The following SP140 variants were observed in gnomAD, a reference collection of about 807,000 sequenced individuals.
SP140 encodes nuclear body protein SP140.
In SP140, 81 loss-of-function variants were observed where a neutral mutation model predicts 125.0. That is an observed-to-expected ratio of 0.65 (90% CI 0.54 to 0.78). SP140 has a LOEUF of 0.78. Ranked by LOEUF, SP140 falls within the 30% of genes least tolerant of loss-of-function variation. The pLI is 0.00. For missense variants in SP140, 858 were observed against 1,037.0 expected (o/e 0.83, Z 2.37); for synonymous variants, 312 against 354.0 (o/e 0.88, Z 1.33).
intron 16 of SP140, among the ~76,000 whole-genome samples, chr2:230,284,906 A>T (rs1463233018): frequency 2.0e-5 from 3 of 152,204 alleles, no homozygotes; most frequent in African/African-American, 7.2e-5. Context: ...ATTCATAAAA[A>T]TATATGCAGT....
chr2:230,255,191 A>AG (rs2050968005), intron 11 of SP140, among the ~76,000 whole-genome samples: 1 of 152,112 alleles, frequency 6.6e-6, no homozygotes, highest in South Asian at 2.1e-4. Context: ...TAATGTGGAA[A>AG]GGGGGAGGGG....
upstream of SP140, chr2:230,225,675 G>C: frequency 4.4e-6 from 3 of 677,888 alleles, no homozygotes; most frequent in South Asian, 3.2e-5. Context: ...ATGGAGATTG[G>C]GTGGAGGGAG....
chr2:230,225,125 G>A (rs150752028), upstream of SP140, among the ~76,000 whole-genome samples: 815 of 152,282 alleles, frequency 5.4e-3, 17 homozygotes, highest in Admixed American at 0.03. Flanking sequence ...CTCTCCTCAA[G>A]ATTTCAGTGA....
chr2:230,216,753 TG>T, intron 3 of SP140: 1 of 1,613,060 alleles, frequency 6.2e-7, no homozygotes, highest in Non-Finnish European at 8.5e-7. Flanking sequence ...GGGGCTGGGC[TG>T]CCATGGAAGG....
Position 230,237,140 on chromosome 2 carries a change from T to G in SP140, c.117T>G (p.Pro39=), listed in dbSNP as rs115618178. The G allele has an allele frequency of 0.011, 18,333 of 1,613,482 alleles. 117 individuals are homozygous for G. The highest frequency in any genetic ancestry group is 0.014 in the Non-Finnish European group (16,351 of 1,179,708). The change falls in exon 2 of 27, where the codon CCT becomes CCG. Residue 39 remains proline, a synonymous_variant. Transcript: ENST00000392045. This position sits in a 1 kb window ranked among gnomAD's most constrained non-coding sequence, Gnocchi z 5.4. ...EGQNLQEQVC[P]EPIFRFFREN... ...AGAACCTGCAGGAGCAGGTTTGCCC[T>G]GAGCCCATTTTCAGGTTCTTCAGAG...
intron 1 of SP140, chr2:230,212,838 A>T (rs1448024512): frequency 1.2e-6 from 2 of 1,614,046 alleles, no homozygotes; most frequent in Non-Finnish European, 1.7e-6. Context: ...CTCACTCAGG[A>T]TCTCATCGCT....
At chr2:230,218,623 A>T (rs536149802) in intron 3 of SP140, among the ~76,000 whole-genome samples, 6 of 152,314 alleles carry the variant, frequency 3.9e-5, no homozygotes, top group African/African-American at 1.4e-4. Flanking sequence ...GAGCTTCCTC[A>T]TTCTTCATCT....
chr2:230,222,501 T>G (rs1481798311), upstream of SP140, among the ~76,000 whole-genome samples: 4 of 152,138 alleles, frequency 2.6e-5, no homozygotes, highest in African/African-American at 9.7e-5. Context: ...GGAGGATCGC[T>G]TGAGCCCAGG....
intron 1 of SP140, among the ~76,000 whole-genome samples, chr2:230,232,770 C>T (rs1473057185): frequency 6.6e-6 from 1 of 152,104 alleles, no homozygotes; most frequent in African/African-American, 2.4e-5. Flanking sequence ...TTAAAACTTA[C>T]ATTTTGTGTA....
chr2:230,288,470 TTTC>T (rs1461544478), intron 18 of SP140, among the ~76,000 whole-genome samples: 7 of 98,406 alleles, frequency 7.1e-5, no homozygotes, highest in Non-Finnish European at 1.3e-4. Context: ...TCTTTCTTTC[TTTC>T]TTTCTTTCTT....
At chr2:230,234,313 C>A (rs1241330778) in intron 1 of SP140, among the ~76,000 whole-genome samples, 1 of 152,166 alleles carries the variant, frequency 6.6e-6, no homozygotes, top group Non-Finnish European at 1.5e-5. Context: ...GCATGCCTAA[C>A]CAGGTGCTGC....
chr2:230,237,797 T>C lies in SP140; in HGVS notation c.238-416T>C, dbSNP rs903878120. 6.6e-6 allele frequency among the ~76,000 whole-genome samples: 1 copy of C among 150,564 alleles called. No individual in the cohort carries two copies. Among genetic ancestry groups the C allele is most frequent in the African/African-American group, 2.5e-5 (1 of 40,708 alleles). On this transcript the variant is annotated intron_variant, in intron 2 of 26. Coordinates refer to ENST00000392045, the MANE Select transcript of SP140 (RefSeq NM_007237.5). This position sits in a 1 kb window ranked among gnomAD's most constrained non-coding sequence, Gnocchi z 5.4. ...TGAGGACAAGGCTTCTTCTTGTCTT[T>C]GTGAATTTTCTGTGCCCTTTGGCCA... is the stretch of plus-strand genomic sequence containing the variant.
intron 1 of SP140, among the ~76,000 whole-genome samples, chr2:230,210,841 C>T (rs866419911): frequency 6.6e-6 from 1 of 152,158 alleles, no homozygotes; most frequent in South Asian, 2.1e-4. Context: ...TAATTTATTA[C>T]CTTTCAAGTT....
chr2:230,300,992 G>C (rs2058230931), intron 22 of SP140, among the ~76,000 whole-genome samples: 1 of 152,144 alleles, frequency 6.6e-6, no homozygotes, highest in South Asian at 2.1e-4. Flanking sequence ...GACATACTTA[G>C]AGAAATACAA....
At chr2:230,241,977 GGA>G (rs2048792257) in intron 4 of SP140, among the ~76,000 whole-genome samples, 1 of 152,100 alleles carries the variant, frequency 6.6e-6, no homozygotes, top group South Asian at 2.1e-4. Context: ...GTTTGGATAT[GGA>G]GAGAGAGGGG....
intron 3 of SP140, chr2:230,215,235 C>T: frequency 1.2e-6 from 1 of 825,334 alleles, no homozygotes; most frequent in Non-Finnish European, 2.0e-6. Flanking sequence ...AGAAATTCAA[C>T]ATAAAATATA....
chr2:230,218,083 G>A (rs1274291819), intron 3 of SP140, among the ~76,000 whole-genome samples: 1 of 152,174 alleles, frequency 6.6e-6, no homozygotes, highest in Admixed American at 6.5e-5. Flanking sequence ...ATATCAATAG[G>A]TTATAATGGG....
chr2:230,222,316 A>G (rs919816721), upstream of SP140, among the ~76,000 whole-genome samples: 1 of 152,006 alleles, frequency 6.6e-6, no homozygotes, highest in Non-Finnish European at 1.5e-5. Flanking sequence ...GTGATTATGT[A>G]CTGAGATAAA....
chr2:230,288,455 ATCTTTCTTTCTTTCTT>A (rs34638665), intron 18 of SP140, among the ~76,000 whole-genome samples: 3,175 of 123,614 alleles, frequency 0.026, 69 homozygotes, highest in Non-Finnish European at 0.036. Context: ...TAGGCCAACT[ATCTTTCTTTCTTTCTT>A]TCTTTCTTTC....
Sources: allele counts gnomAD v4.1 joint callset (sites outside exome capture counted in the v4.1 genomes callset), GRCh38; gene constraint gnomAD v4.1.1; non-coding constraint Gnocchi (gnomAD v3.1); transcripts MANE v1.5; gene names NCBI Gene and HGNC (gene_info 2026-07-23, HGNC 2026-07-21).